The following MAGI2 variants were observed in gnomAD, a reference collection of about 807,000 sequenced individuals.
MAGI2 encodes the protein membrane-associated guanylate kinase, WW and PDZ domain-containing protein 2.
A neutral mutation model predicts 133.3 loss-of-function variants in MAGI2; 35 were observed. The ratio of observed to expected loss-of-function variants is 0.26; its 90% CI spans 0.20 to 0.35. The LOEUF (loss-of-function observed/expected upper bound fraction) is 0.35, where lower values mean the gene tolerates loss of function less well. Among genes scored for constraint, MAGI2 ranks in the 10% least tolerant of loss-of-function variants. MAGI2 has a pLI of 1.00. For missense variants in MAGI2, 1,636 were observed against 1,863.4 expected (o/e 0.88, Z 2.25); for synonymous variants, 729 against 710.6 (o/e 1.03, Z -0.41).
intron 3 of MAGI2, among the ~76,000 whole-genome samples, chr7:78,562,533 A>G (rs565609735): frequency 6.6e-6 from 1 of 152,236 alleles, no homozygotes; most frequent in African/African-American, 2.4e-5. Flanking sequence ...GGCATCTGCT[A>G]TTTATAAACA....
Position 79,338,078 on chromosome 7 carries a change from A to G in MAGI2, c.301+114942T>C, listed in dbSNP as rs1378938249. Among the ~76,000 whole-genome samples, 5 of 150,620 alleles carry G rather than the reference A, an allele frequency of 3.3e-5. No individual in the cohort carries two copies. The East Asian group carries it at 9.6e-4, about 29-fold the overall frequency. Reference sequence around the variant, plus strand: ...CTCTCAAAATGTTAGTCGCTTTAAAATAGAAAAAAAAATACTTTTGCACTT... The same window carrying G: ...CTCTCAAAATGTTAGTCGCTTTAAAGTAGAAAAAAAAATACTTTTGCACTT... On this transcript the variant is annotated intron_variant, in intron 1 of 21. Coordinates refer to ENST00000354212, the MANE Select transcript of MAGI2 (RefSeq NM_012301.4).
At chr7:78,841,827 T>C (rs920933230) in intron 2 of MAGI2, among the ~76,000 whole-genome samples, 1 of 151,948 alleles carries the variant, frequency 6.6e-6, no homozygotes, top group African/African-American at 2.4e-5. Context: ...TTCCATCCTT[T>C]AGGTCACAGC....
chr7:78,836,497 A>T (rs1032465815), intron 2 of MAGI2, among the ~76,000 whole-genome samples: 1 of 152,158 alleles, frequency 6.6e-6, no homozygotes, highest in African/African-American at 2.4e-5. Flanking sequence ...ATGCTTATTG[A>T]TAGAGAGTAC....
chr7:78,343,803 T>A lies in MAGI2; in HGVS notation c.1383A>T (p.Ala461=). The A allele has an allele frequency of 1.2e-6, 2 of 1,605,496 alleles. No individual in the cohort carries two copies. Among genetic ancestry groups the A allele is most frequent in the African/African-American group, 2.7e-5 (2 of 74,342 alleles). ...CTGTTTCCATTTTTCCATCCTGTGC[T>A]GCAGGCCCATCCGGAATCACACTTT... ...QVKSVIPDGP[A]AQDGKMETGD... is the part of the protein sequence containing the mutation. The change falls in exon 9 of 22, where the codon GCA becomes GCT. Residue 461 remains alanine, a synonymous_variant. Transcript: ENST00000354212.
chr7:78,326,561 A>G (rs1037825991), intron 9 of MAGI2, among the ~76,000 whole-genome samples: 9 of 152,116 alleles, frequency 5.9e-5, no homozygotes, highest in African/African-American at 2.2e-4. Flanking sequence ...TGCACATGCA[A>G]CCTGTTTACT....
chr7:78,300,615 G>T (rs1273337503), intron 9 of MAGI2, among the ~76,000 whole-genome samples: 1 of 152,180 alleles, frequency 6.6e-6, no homozygotes, highest in South Asian at 2.1e-4. Context: ...GGGGAAGAAA[G>T]TTGATATGCG....
intron 12 of MAGI2, among the ~76,000 whole-genome samples, chr7:78,189,776 C>T (rs1256338359): frequency 2.0e-5 from 3 of 152,128 alleles, no homozygotes; most frequent in African/African-American, 7.2e-5. Context: ...GGAACAGGCC[C>T]AAGAAATGTC....
At chr7:79,053,529 A>C (rs1239767156) in intron 1 of MAGI2, among the ~76,000 whole-genome samples, 1 of 152,190 alleles carries the variant, frequency 6.6e-6, no homozygotes, top group African/African-American at 2.4e-5. Context: ...GTGAAAAAAA[A>C]ACTTTATAAT....
chr7:78,201,963 T>C (rs551985495), intron 10 of MAGI2, among the ~76,000 whole-genome samples: 44 of 152,232 alleles, frequency 2.9e-4, no homozygotes, highest in Non-Finnish European at 5.7e-4. Context: ...AATATTATTT[T>C]AGCATATGAA....
chr7:78,160,252 C>T lies in MAGI2; in HGVS notation c.2618G>A (p.Gly873Glu). The change falls in exon 16 of 22, where the codon GGG (glycine) becomes GAG (glutamate). Residue 873 changes from glycine (G) to glutamate (E), a missense_variant. Gly to Glu is a moderately conservative substitution (Grantham distance 98). Around this residue, in one of 5 missense-constraint regions of MAGI2, gnomAD observed 920 missense variants for 1,093.5 expected, o/e 0.84. Transcript: ENST00000354212. ...GGTGGATACAGAGCCTGGACTTCTC[C>T]CGTTCTCTGGGCAGGGCTCCCCTGC... is the stretch of plus-strand genomic sequence containing the variant. ...LCGGEPCPEN[G>E]RSPGSVSTHH... 10 of 1,598,378 alleles carry T rather than the reference C, an allele frequency of 6.3e-6. No homozygotes were observed. The highest frequency in any genetic ancestry group is 1.3e-5 in the African/African-American group (1 of 74,804).
intron 9 of MAGI2, among the ~76,000 whole-genome samples, chr7:78,320,240 A>G (rs1346340115): frequency 6.6e-6 from 1 of 152,214 alleles, no homozygotes; most frequent in Non-Finnish European, 1.5e-5. Context: ...CAAACAATAG[A>G]AAAAGAAGGA....
At chr7:79,013,172 T>C (rs1307642988) in intron 1 of MAGI2, among the ~76,000 whole-genome samples, 3 of 151,828 alleles carry the variant, frequency 2.0e-5, no homozygotes, top group Non-Finnish European at 2.9e-5. Context: ...GGGATTTCTT[T>C]TGGTAACAAG....
chr7:79,385,375 T>A (rs1304094277), intron 1 of MAGI2, among the ~76,000 whole-genome samples: 3 of 151,896 alleles, frequency 2.0e-5, no homozygotes, highest in Non-Finnish European at 4.4e-5. Flanking sequence ...AAAATTGTTT[T>A]AAGATAACAT....
At chr7:78,036,465 C>A (rs1471435368) in intron 21 of MAGI2, among the ~76,000 whole-genome samples, 4 of 152,158 alleles carry the variant, frequency 2.6e-5, no homozygotes, top group African/African-American at 9.7e-5. Flanking sequence ...TCTCTTCATA[C>A]TCAATGCTGT....
chr7:79,010,166 T>C (rs912247283), intron 1 of MAGI2, among the ~76,000 whole-genome samples: 2 of 152,102 alleles, frequency 1.3e-5, no homozygotes, highest in Non-Finnish European at 2.9e-5. Context: ...TATGTGTGTA[T>C]AACACATGCA....
intron 4 of MAGI2, among the ~76,000 whole-genome samples, chr7:78,502,677 T>A (rs1375838624): frequency 6.6e-6 from 1 of 152,154 alleles, no homozygotes; most frequent in Non-Finnish European, 1.5e-5. Context: ...TTTGGTACCA[T>A]CTGAGGTTTC....
chr7:78,618,622 G>T (rs1807363797), intron 3 of MAGI2: 1 of 151,866 alleles, frequency 6.6e-6, no homozygotes, highest in African/African-American at 2.4e-5. Flanking sequence ...GGAGACAACT[G>T]AAGTGTCAAT....
chr7:79,440,872 T>A (rs991582908), intron 1 of MAGI2, among the ~76,000 whole-genome samples: 4 of 152,202 alleles, frequency 2.6e-5, no homozygotes, highest in Non-Finnish European at 5.9e-5. Flanking sequence ...TGCTCTGCCA[T>A]CCTCCACCTT....
chr7:78,166,510 G>A (rs577087137), intron 15 of MAGI2, among the ~76,000 whole-genome samples: 400 of 152,310 alleles, frequency 2.6e-3, no homozygotes, highest in Non-Finnish European at 4.5e-3. Flanking sequence ...AAGACAAATG[G>A]CACCTCTTAG....
Sources: allele counts gnomAD v4.1 joint callset (sites outside exome capture counted in the v4.1 genomes callset), GRCh38; gene constraint gnomAD v4.1.1; regional missense constraint gnomAD v4.1.1; transcripts MANE v1.5; gene names NCBI Gene and HGNC (gene_info 2026-07-23, HGNC 2026-07-21).